Variants in NBAS observed in about 807,000 individuals in gnomAD.
NBAS encodes the protein NAG/BC035112 fusion.
Under a neutral mutation model 302.5 loss-of-function variants are expected in NBAS, and 219 were observed. The observed-to-expected ratio is 0.72, with a 90% confidence interval of 0.65 to 0.81. NBAS has a LOEUF of 0.81. Among genes scored for constraint, NBAS ranks in the 30% least tolerant of loss-of-function variants. The pLI, the probability that NBAS is intolerant of heterozygous loss-of-function variation, is 0.00. For synonymous variants in NBAS, 1,118 were observed against 1,021.6 expected, an observed-to-expected ratio of 1.09 and a Z score of -1.80; for missense variants, 2,932 against 2,841.6, an observed-to-expected ratio of 1.03 and a Z score of -0.72.
At chr2:15,504,330 AG>A in intron 10 of NBAS, 117 bp from the exon 11 acceptor site, 1 of 882,680 alleles carries the variant, frequency 1.1e-6, no homozygotes, top group Non-Finnish European at 1.8e-6. Flanking sequence ...AATTGATTAA[AG>A]AAAATCACCA....
At chr2:15,493,829 CTT>C (rs10715868) in intron 11 of NBAS, among the ~76,000 whole-genome samples, 457 of 113,522 alleles carry the variant, frequency 4.0e-3, no homozygotes, top group African/African-American at 0.012. Flanking sequence ...GCAATTTTCT[CTT>C]TTTTTTTTTT....
the NBAS span, among the ~76,000 whole-genome samples, chr2:15,118,210 A>G: frequency 2.0e-5 from 3 of 152,168 alleles, no homozygotes; most frequent in African/African-American, 7.2e-5. Context: ...CGTGTCTTCC[A>G]CTGCTGCTGG....
the NBAS span, among the ~76,000 whole-genome samples, chr2:14,916,037 A>G: frequency 6.6e-6 from 1 of 152,262 alleles, no homozygotes; most frequent in African/African-American, 2.4e-5. Context: ...AGTCTCAGGT[A>G]TGTCTTTATC....
At chr2:15,425,786 T>C (rs913602217) in intron 22 of NBAS, among the ~76,000 whole-genome samples, 2 of 152,120 alleles carry the variant, frequency 1.3e-5, no homozygotes, top group African/African-American at 4.8e-5. Flanking sequence ...TAACGCTGAG[T>C]TCCTCTGATA....
intron 27 of NBAS, among the ~76,000 whole-genome samples, chr2:15,394,679 T>G (rs1016817494): frequency 1.3e-5 from 2 of 152,136 alleles, no homozygotes; most frequent in Non-Finnish European, 2.9e-5. Flanking sequence ...AGTACAGTTT[T>G]AACTCTTATT....
chr2:15,475,232 C>T (rs527987141), intron 14 of NBAS, among the ~76,000 whole-genome samples: 1 of 152,268 alleles, frequency 6.6e-6, no homozygotes, highest in Non-Finnish European at 1.5e-5. Context: ...CCTTGAAAGG[C>T]TTAAAATAAA....
At chr2:15,014,901 GA>G in the NBAS span, among the ~76,000 whole-genome samples, 1 of 151,512 alleles carries the variant, frequency 6.6e-6, no homozygotes, top group Non-Finnish European at 1.5e-5. Context: ...GCTAGACTAA[GA>G]AAAAATAGAG....
Position 15,371,743 on chromosome 2 carries a change from C to A in NBAS, c.3703+2865G>T, listed in dbSNP as rs537406200. ...TCAGTTCCCAGAGTAGGGTAAGTGC[C>A]TAAATTTATGTTTATTAAATGAAAG... On this transcript the variant is annotated intron_variant, in intron 31 of 51. Coordinates refer to ENST00000281513, the MANE Select transcript of NBAS (RefSeq NM_015909.4). Among the ~76,000 whole-genome samples the A allele has an allele frequency of 7.2e-5, 11 of 151,890 alleles. 1 individual carries two copies. The South Asian group carries it at 1.5e-3, about 20-fold the overall frequency.
intron 40 of NBAS, among the ~76,000 whole-genome samples, chr2:15,303,488 C>CT (rs1670898612): frequency 6.6e-6 from 1 of 152,174 alleles, no homozygotes; most frequent in African/African-American, 2.4e-5. Flanking sequence ...CCAAGATAAA[C>CT]ACACCTACTT....
At chr2:14,917,922 T>C in the NBAS span, among the ~76,000 whole-genome samples, 1 of 152,160 alleles carries the variant, frequency 6.6e-6, no homozygotes. Context: ...CACAAATTTG[T>C]GACCTTGTCA....
intron 30 of NBAS, among the ~76,000 whole-genome samples, chr2:15,377,098 T>C (rs1271173369): frequency 1.3e-5 from 2 of 152,024 alleles, no homozygotes; most frequent in East Asian, 1.9e-4. Flanking sequence ...TGAATAGCAA[T>C]TGGAAAGATA....
At chr2:14,871,190 G>A in the NBAS span, among the ~76,000 whole-genome samples, 4 of 151,242 alleles carry the variant, frequency 2.6e-5, no homozygotes, top group Non-Finnish European at 5.9e-5. Context: ...TATAATTGGA[G>A]ATTCTGAACA....
the NBAS span, among the ~76,000 whole-genome samples, chr2:14,997,058 A>G: frequency 2.0e-5 from 3 of 152,194 alleles, no homozygotes; most frequent in Non-Finnish European, 2.9e-5. Flanking sequence ...TTATAAAAAA[A>G]AAATGTGGTG....
chr2:15,164,617 C>T (rs1304167032), downstream of NBAS, among the ~76,000 whole-genome samples: 2 of 152,144 alleles, frequency 1.3e-5, no homozygotes, highest in African/African-American at 2.4e-5. Context: ...CAGGGCAGCC[C>T]TTGCTTATTC....
the NBAS span, among the ~76,000 whole-genome samples, chr2:15,035,863 G>T: frequency 6.6e-6 from 1 of 152,082 alleles, no homozygotes; most frequent in Non-Finnish European, 1.5e-5. Context: ...AGGCCTGTAG[G>T]GGGTGGGAGA....
chr2:14,810,846 T>C, the NBAS span, among the ~76,000 whole-genome samples: 1 of 152,156 alleles, frequency 6.6e-6, no homozygotes, highest in Non-Finnish European at 1.5e-5. Context: ...CTTCTGCAGA[T>C]TAGAGTAAAT....
chr2:15,405,005 C>T (rs949605738), intron 25 of NBAS, among the ~76,000 whole-genome samples: 2 of 152,140 alleles, frequency 1.3e-5, no homozygotes, highest in African/African-American at 2.4e-5. Flanking sequence ...TTATTTCACT[C>T]AAATTAAATT....
intron 38 of NBAS, among the ~76,000 whole-genome samples, chr2:15,320,799 A>C (rs975632266): frequency 9.2e-5 from 14 of 152,196 alleles, no homozygotes; most frequent in Non-Finnish European, 1.6e-4. Flanking sequence ...AAATCAATAT[A>C]GTGAAAATGG....
In NBAS at chr2:15,449,921, G is replaced by T. The variant is rs1678930026; in HGVS notation, c.2339+11280C>A. ...GCAGCTCAGAAATAAACTGCACACA[G>T]GGGAATTGAATTTTGATTAGGTAAC... On this transcript the variant is annotated intron_variant, in intron 21 of 51. Coordinates refer to ENST00000281513, the MANE Select transcript of NBAS (RefSeq NM_015909.4). Among the ~76,000 whole-genome samples, 4 of 152,218 alleles carry T rather than the reference G, an allele frequency of 2.6e-5. No individual in the cohort carries two copies. The South Asian group carries it at 8.3e-4, about 32-fold the overall frequency.
Sources: allele counts gnomAD v4.1 joint callset (sites outside exome capture counted in the v4.1 genomes callset), GRCh38; gene constraint gnomAD v4.1.1; transcripts MANE v1.5; gene names NCBI Gene and HGNC (gene_info 2026-07-23, HGNC 2026-07-21).